PPP1R21: variants seen among roughly 807,000 people sequenced by gnomAD.
PPP1R21 encodes the protein KLRAQ motif containing 1.
Under a neutral mutation model 112.8 loss-of-function variants are expected in PPP1R21, and 85 were observed. The observed-to-expected ratio is 0.75, with a 90% CI of 0.63 to 0.90. The LOEUF is 0.90. Ranked by LOEUF, PPP1R21 falls within the 40% of genes least tolerant of loss-of-function variation. The probability of loss-of-function intolerance (pLI) is 0.00; values close to 1 mark genes in which losing one functional copy is unlikely to be tolerated. For missense variants in PPP1R21, 1,199 were observed against 901.5 expected, an observed-to-expected ratio of 1.33 and a Z score of -4.23; for synonymous variants, 381 against 322.3, an observed-to-expected ratio of 1.18 and a Z score of -1.95.
intron 21 of PPP1R21, among the ~76,000 whole-genome samples, chr2:48,513,471 A>C (rs1248066750): frequency 3.3e-5 from 5 of 152,016 alleles, no homozygotes; most frequent in African/African-American, 7.2e-5. Context: ...CAGCTTCCCA[A>C]AGTGCTGGGA....
At chr2:48,444,699 C>T (rs933825046) in intron 1 of PPP1R21, among the ~76,000 whole-genome samples, 3 of 152,166 alleles carry the variant, frequency 2.0e-5, no homozygotes, top group Non-Finnish European at 1.5e-5. Flanking sequence ...CTTGGGTCCA[C>T]CCTGCACCTA....
intron 20 of PPP1R21, 133 bp downstream of exon 20, chr2:48,510,246 C>G (rs1221521483): frequency 3.5e-6 from 2 of 568,762 alleles, no homozygotes; most frequent in Admixed American, 6.6e-5. Context: ...ATTTCTGATT[C>G]ATTTAAAAAT....
chr2:48,470,952 A>G, intron 9 of PPP1R21, 135 bp from the exon 10 acceptor site: 1 of 624,590 alleles, frequency 1.6e-6, no homozygotes. Context: ...AAACTTGAGC[A>G]CAGGAGTTTG....
intron 11 of PPP1R21, among the ~76,000 whole-genome samples, chr2:48,472,314 GTAAAA>G (rs1027892136): frequency 1.4e-5 from 2 of 142,594 alleles, no homozygotes; most frequent in African/African-American, 5.2e-5. Context: ...ATATTTTACA[GTAAAA>G]TAAAATTTAG....
At chr2:48,491,276 A>G in intron 15 of PPP1R21, 106 bp downstream of exon 15, 1 of 1,239,660 alleles carries the variant, frequency 8.1e-7, no homozygotes, top group South Asian at 1.5e-5. Context: ...TTTATACGAT[A>G]TTGGGGTACA....
intron 1 of PPP1R21, chr2:48,441,417 C>A (rs563472940): frequency 5.9e-4 from 171 of 289,622 alleles, no homozygotes; most frequent in African/African-American, 3.9e-3. Context: ...TCCCCTCCCA[C>A]AGGGATGATA....
chr2:48,502,018 G>A (rs1177799364), intron 17 of PPP1R21: 1 of 152,190 alleles, frequency 6.6e-6, no homozygotes, highest in Non-Finnish European at 1.5e-5. Flanking sequence ...TGCTGCTGAA[G>A]AAGCACAATG....
At chr2:48,485,029 A>AT (rs1553341969) in intron 13 of PPP1R21, among the ~76,000 whole-genome samples, 1 of 152,192 alleles carries the variant, frequency 6.6e-6, no homozygotes, top group Non-Finnish European at 1.5e-5. Context: ...GGGATGAGCA[A>AT]TTCAGTATAC....
intron 4 of PPP1R21, 120 bp downstream of exon 4, chr2:48,458,347 C>T (rs923281574): frequency 9.7e-5 from 57 of 590,394 alleles, no homozygotes; most frequent in Admixed American, 4.5e-4. Flanking sequence ...CTTCTATGGT[C>T]TTCAAGTATA....
At chr2:48,500,601 C>G (rs1237321590) in intron 17 of PPP1R21, among the ~76,000 whole-genome samples, 1 of 151,922 alleles carries the variant, frequency 6.6e-6, no homozygotes, top group African/African-American at 2.4e-5. Context: ...TTTAGAAATG[C>G]AATAAATAAA....
intron 15 of PPP1R21, among the ~76,000 whole-genome samples, chr2:48,493,035 G>GA (rs1477676315): frequency 7.7e-5 from 1 of 13,014 alleles, no homozygotes; most frequent in Non-Finnish European, 1.6e-4. Context: ...TTTTTTTTTT[G>GA]AGACGGAGTC....
At chr2:48,512,566 T>A (rs1470201591) in intron 21 of PPP1R21, among the ~76,000 whole-genome samples, 2 of 152,180 alleles carry the variant, frequency 1.3e-5, no homozygotes, top group African/African-American at 4.8e-5. Context: ...CTGCTGTTGG[T>A]GTTAAGGACA....
chr2:48,511,605 T>C, intron 21 of PPP1R21, 137 bp downstream of exon 21: 1 of 1,031,672 alleles, frequency 9.7e-7, no homozygotes, highest in East Asian at 2.6e-5. Context: ...CTTAAGCCTG[T>C]AATCCCAGTA....
At chr2:48,479,072 C>G (rs905179966) in intron 12 of PPP1R21, among the ~76,000 whole-genome samples, 14 of 152,214 alleles carry the variant, frequency 9.2e-5, no homozygotes, top group Admixed American at 2.6e-4. Context: ...TGTTGATGAG[C>G]TGGGGCAAGG....
chr2:48,440,812 C>CGCA lies in PPP1R21; in HGVS notation c.-140_-139insAGC. 1 of 626,610 alleles carries CGCA rather than the reference C, an allele frequency of 1.6e-6. No individual in the cohort carries two copies. Among genetic ancestry groups the CGCA allele is most frequent in the Non-Finnish European group, 2.8e-6 (1 of 353,934 alleles). 38.8% of individuals were successfully genotyped at this position (626,610 alleles called of 1,614,324 possible). A position where few individuals can be genotyped will look rare whatever the true frequency, so the allele number is the denominator to read the frequency against. On this transcript the variant is annotated 5_prime_UTR_variant, in exon 1 of 22. Transcript: ENST00000294952. ...GGGAACCCGGAAGTGGAGGAGGAGG[C>CGCA]GCGGCGGCGGCGGCGGCGGCGGCTG...
intron 14 of PPP1R21, among the ~76,000 whole-genome samples, chr2:48,488,199 C>G (rs540166141): frequency 6.6e-6 from 1 of 152,230 alleles, no homozygotes; most frequent in African/African-American, 2.4e-5. Flanking sequence ...GCTTACAGAT[C>G]TATGTGCAAA....
chr2:48,452,041 C>G (rs970980986), intron 2 of PPP1R21, among the ~76,000 whole-genome samples: 9 of 152,280 alleles, frequency 5.9e-5, no homozygotes, highest in African/African-American at 2.2e-4. Flanking sequence ...TCTCTGCACC[C>G]AAGCCAAGAT....
intron 1 of PPP1R21, among the ~76,000 whole-genome samples, chr2:48,442,456 C>G (rs1262022212): frequency 6.6e-6 from 1 of 152,104 alleles, no homozygotes; most frequent in Non-Finnish European, 1.5e-5. Context: ...TATAGCCTCC[C>G]AAAGTAATAA....
chr2:48,477,547 T>C (rs1423705204), intron 12 of PPP1R21, among the ~76,000 whole-genome samples: 5 of 152,248 alleles, frequency 3.3e-5, no homozygotes, highest in Admixed American at 2.6e-4. Flanking sequence ...ACTGTAGATA[T>C]ATGGATTTAT....
Sources: allele counts gnomAD v4.1 joint callset (sites outside exome capture counted in the v4.1 genomes callset), GRCh38; gene constraint gnomAD v4.1.1; transcripts MANE v1.5; gene names NCBI Gene and HGNC (gene_info 2026-07-23, HGNC 2026-07-21).